The following FANCF variants were observed in gnomAD, a reference collection of about 807,000 sequenced individuals.
FANCF encodes the protein FA complementation group F, also known as Fanconi anemia group F protein.
For missense variants in FANCF, 552 were observed against 481.8 expected, an observed-to-expected ratio of 1.15 and a Z score of -1.36; for synonymous variants, 257 against 205.9, an observed-to-expected ratio of 1.25 and a Z score of -2.13.
rs1016588203 is a variant in FANCF at position 22,624,599 on chromosome 11, C to G, written c.*87G>C. On this transcript the variant is annotated 3_prime_UTR_variant, in exon 1 of 1. Coordinates refer to ENST00000327470, the MANE Select transcript of FANCF (RefSeq NM_022725.4). ...GCATCTAAAATAATTATACTTTGGA[C>G]ACACGAAGGCATATATTTGGTGAGA... 3 of 1,134,760 alleles carry G rather than the reference C, an allele frequency of 2.6e-6. No individual in the cohort carries two copies. The African/African-American group carries it at 4.7e-5, about 18-fold the overall frequency. The allele number at this position is 1,134,760 out of a possible 1,614,324, so 70.3% of individuals were successfully genotyped here. A position where few individuals can be genotyped will look rare whatever the true frequency, so the allele number is the denominator to read the frequency against.
At position 22,624,885 on chromosome 11, in the gene FANCF, T is replaced by C; in HGVS notation, c.926A>G (p.Asn309Ser). The C allele has an allele frequency of 6.2e-7, 1 of 1,614,180 alleles. No homozygotes were observed. Among genetic ancestry groups the C allele is most frequent in the African/African-American group, 1.3e-5 (1 of 75,046 alleles). The change falls in exon 1 of 1, where the codon AAT (asparagine) becomes AGT (serine). Residue 309 changes from asparagine (N) to serine (S), a missense_variant. Asn to Ser is a conservative substitution (Grantham distance 46). Coordinates refer to ENST00000327470, the MANE Select transcript of FANCF (RefSeq NM_022725.4). ...SQDVPWEELH[N>S]RFQSLCQAPP... Reference sequence around the variant, plus strand: ...GGCCTGACAGAGGCTTTGAAACCTATTGTGCAACTCCTCCCAGGGCACATC... The same window carrying C: ...GGCCTGACAGAGGCTTTGAAACCTACTGTGCAACTCCTCCCAGGGCACATC...
In FANCF at chr11:22,622,735, C is replaced by G. The variant is rs1858576645; in HGVS notation, c.*1951G>C. On this transcript the variant is annotated 3_prime_UTR_variant, in exon 1 of 1. Transcript: ENST00000327470. ...CACTTTCATGTTGCTTTTGTTTATA[C>G]CCTTGGGCATTTTACTTAATCTTTT... 2 of 192,494 alleles carry G rather than the reference C, an allele frequency of 1.0e-5. No individual in the cohort carries two copies. Among genetic ancestry groups the G allele is most frequent in the Non-Finnish European group, 2.2e-5 (2 of 92,310 alleles). 11.9% of individuals were successfully genotyped at this position (192,494 alleles called of 1,614,324 possible). A position where few individuals can be genotyped will look rare whatever the true frequency, so the allele number is the denominator to read the frequency against.
In FANCF at chr11:22,624,332, A is replaced by G; in HGVS notation, c.*354T>C. On this transcript the variant is annotated 3_prime_UTR_variant, in exon 1 of 1. Transcript: ENST00000327470. ...TGAGGGAGGGACAGAAAACCTAGAAAAATAAACCATACTAAAAGAAAAAGG... is the reference window on the plus strand; with the variant it reads ...TGAGGGAGGGACAGAAAACCTAGAAGAATAAACCATACTAAAAGAAAAAGG... The G allele has an allele frequency of 2.9e-6, 1 of 343,356 alleles. No individual in the cohort carries two copies. Among genetic ancestry groups the G allele is most frequent in the Non-Finnish European group, 5.4e-6 (1 of 183,548 alleles). The allele number at this position is 343,356 out of a possible 1,614,324, so 21.3% of individuals were successfully genotyped here. A position where few individuals can be genotyped will look rare whatever the true frequency, so the allele number is the denominator to read the frequency against.
rs1321912085 is a variant in FANCF at position 22,625,042 on chromosome 11, C to A, written c.769G>T (p.Ala257Ser). Residue 257 changes from alanine to serine, a missense_variant, in exon 1 of 1, where the codon GCC (alanine) becomes TCC (serine). By Grantham distance (99) the Ala-to-Ser change is moderately conservative. Coordinates refer to ENST00000327470, the MANE Select transcript of FANCF (RefSeq NM_022725.4). ...CTAGTCACTAAAGTCAAAAGCCCGG[C>A]TGGGAGGGCGCGACAAAAGGCAGCA... ...VFAAFCRALP[A>S]GLLTLVTSRH... 1 of 1,614,186 alleles carries A rather than the reference C, an allele frequency of 6.2e-7. No individual in the cohort carries two copies.
At position 22,624,827 on chromosome 11, in the gene FANCF, G is replaced by A. The variant is rs1858616188; in HGVS notation, c.984C>T (p.Ala328=). 6.2e-7 allele frequency: 1 copy of A among 1,614,024 alleles called. No homozygotes were observed. The highest frequency in any genetic ancestry group is 1.7e-5 in the Admixed American group (1 of 59,994). ...PPPLKDKVLT[A]LETCKAQDGD... is the part of the protein sequence containing the mutation. ...CATCCTGCGCTTTACAGGTCTCCAGGGCAGTTAGAACTTTATCTTTCAGAG... is the reference window on the plus strand; with the variant it reads ...CATCCTGCGCTTTACAGGTCTCCAGAGCAGTTAGAACTTTATCTTTCAGAG... The change falls in exon 1 of 1, where the codon GCC becomes GCT. Residue 328 remains alanine, a synonymous_variant. Coordinates refer to ENST00000327470, the MANE Select transcript of FANCF (RefSeq NM_022725.4).
At position 22,625,623 on chromosome 11, in the gene FANCF, T is replaced by A. The variant is rs778152023; in HGVS notation, c.188A>T (p.His63Leu). 6.2e-7 allele frequency: 1 copy of A among 1,613,534 alleles called. No individual in the cohort carries two copies. Among genetic ancestry groups the A allele is most frequent in the Admixed American group, 1.7e-5 (1 of 60,010 alleles). Residue 63 changes from histidine to leucine, a missense_variant, in exon 1 of 1, where the codon CAC becomes CTC. Physicochemically the swap from His to Leu is moderately conservative, Grantham distance 99. Transcript: ENST00000327470. ...GCCGCCCTCTTGCCTCCACTGGTTG[T>A]GCAGCCGCCGCTCCAGAGCCGTGCG... ...PIRTALERRL[H>L]NQWRQEGGFG...
rs762741561 is a variant in FANCF, at chr11:22,625,609, G to T, written c.202C>A (p.Gln68Lys). Residue 68 changes from glutamine (Q) to lysine (K), a missense_variant, in exon 1 of 1, where the codon CAA (glutamine) becomes AAA (lysine). Transcript: ENST00000327470. ...GGACCCCGCCCAAAGCCGCCCTCTT[G>T]CCTCCACTGGTTGTGCAGCCGCCGC... Reference protein sequence around the residue: ...LERRLHNQWRQEGGFGRGPVP... With the variant: ...LERRLHNQWRKEGGFGRGPVP... 1.2e-6 allele frequency: 2 copies of T among 1,613,726 alleles called. No homozygotes were observed. The highest frequency in any genetic ancestry group is 1.7e-6 in the Non-Finnish European group (2 of 1,179,962).
rs1016722586 is a variant in FANCF at position 22,624,357 on chromosome 11, G to C, written c.*329C>G. 2.5e-5 allele frequency: 9 copies of C among 357,456 alleles called. No homozygotes were observed. Among genetic ancestry groups the C allele is most frequent in the South Asian group, 7.9e-5 (2 of 25,176 alleles). The allele number at this position is 357,456 out of a possible 1,614,324, so 22.1% of individuals were successfully genotyped here. The stretch of plus-strand genomic sequence containing the variant: ...AAATAAACCATACTAAAAGAAAAAG[G>C]GTATTTTGTTTGTCACTTTAAAGCT... On this transcript the variant is annotated 3_prime_UTR_variant, in exon 1 of 1. Transcript: ENST00000327470.
In FANCF at chr11:22,625,671, C is replaced by A. The variant is rs1858636495; in HGVS notation, c.140G>T (p.Arg47Leu). 28 of 1,613,974 alleles carry A rather than the reference C, an allele frequency of 1.7e-5. No homozygotes were observed. Among genetic ancestry groups the A allele is most frequent in the Non-Finnish European group, 2.3e-5 (27 of 1,179,982 alleles). ...WARYLRHIHR[R>L]FGRHGPIRTA... ...GCGAATGGGGCCATGCCGACCAAAG[C>A]GCCGATGGATGTGGCGCAGGTAGCG... is the stretch of plus-strand genomic sequence containing the variant. Residue 47 changes from arginine (R) to leucine (L), a missense_variant, in exon 1 of 1, where the codon CGC becomes CTC. Transcript: ENST00000327470.
rs1323553365 is a variant in FANCF at position 22,625,803 on chromosome 11, G to C, written c.8C>G (p.Ser3Cys). The C allele has an allele frequency of 6.2e-7, 1 of 1,614,074 alleles. No individual in the cohort carries two copies. The highest frequency in any genetic ancestry group is 2.2e-5 in the East Asian group (1 of 44,870). The change falls in exon 1 of 1, where the codon TCC becomes TGC. Residue 3 changes from serine to cysteine, a missense_variant. By Grantham distance (112) the Ser-to-Cys change is moderately radical. Transcript: ENST00000327470. ME[S>C]LLQHLDRFSE... ...AAAGCGATCCAGGTGCTGCAGAAGG[G>C]ATTCCATGAGGTGCGCGAAGGCCCT... is the stretch of plus-strand genomic sequence containing the variant.
rs1156557968 is a variant in FANCF at position 22,622,993 on chromosome 11, A to G, written c.*1693T>C. 1 of 203,844 alleles carries G rather than the reference A, an allele frequency of 4.9e-6. No individual in the cohort carries two copies. Among genetic ancestry groups the G allele is most frequent in the Non-Finnish European group, 1.0e-5 (1 of 99,508 alleles). The allele number at this position is 203,844 out of a possible 1,614,324, so 12.6% of individuals were successfully genotyped here. A position where few individuals can be genotyped will look rare whatever the true frequency, so the allele number is the denominator to read the frequency against. On this transcript the variant is annotated 3_prime_UTR_variant, in exon 1 of 1. Coordinates refer to ENST00000327470, the MANE Select transcript of FANCF (RefSeq NM_022725.4). The stretch of plus-strand genomic sequence containing the variant: ...CACAAACTGTTATTTTCTAAAGCTA[A>G]AGCTAACATTAGGCCTTGCTATGGT...
At position 22,624,707 on chromosome 11, in the gene FANCF, G is replaced by A. The variant is rs761621055; in HGVS notation, c.1104C>T (p.Ser368=). ...TTGCCTATACAGAACTGAGGCCTGC[G>A]CTGAGACCCAAAACTTGTCTTTTCC... ...AFRKRQVLGL[S]AGLSSV The change falls in exon 1 of 1, where the codon AGC becomes AGT. Residue 368 remains serine (S), a synonymous_variant. Transcript: ENST00000327470. The A allele has an allele frequency of 7.4e-6, 12 of 1,614,050 alleles. No individual in the cohort carries two copies. The highest frequency in any genetic ancestry group is 2.2e-5 in the South Asian group (2 of 91,068).
Position 22,625,459 on chromosome 11 carries a change from C to T in FANCF, c.352G>A (p.Gly118Ser). Residue 118 changes from glycine to serine, a missense_variant, in exon 1 of 1, where the codon GGC becomes AGC. Coordinates refer to ENST00000327470, the MANE Select transcript of FANCF (RefSeq NM_022725.4). ...RYHLVQQLFP[G>S]PGVRDADEET... ...TCATCGGCGTCCCGGACGCCCGGGC[C>T]GGGAAAGAGTTGCTGCACCAGGTGG... The T allele has an allele frequency of 6.2e-7, 1 of 1,614,160 alleles. No individual in the cohort carries two copies. The highest frequency in any genetic ancestry group is 1.3e-5 in the African/African-American group (1 of 75,072).
In FANCF at chr11:22,625,685, G is replaced by A. The variant is rs764431374; in HGVS notation, c.126C>T (p.Arg42=). The change falls in exon 1 of 1, where the codon CGC becomes CGT. Residue 42 remains arginine (R), a synonymous_variant. Transcript: ENST00000327470. ...RRALQWARYL[R]HIHRRFGRHG... is the part of the protein sequence containing the mutation. ...GCCGACCAAAGCGCCGATGGATGTG[G>A]CGCAGGTAGCGCGCCCACTGCAAGG... The A allele has an allele frequency of 3.1e-6, 5 of 1,613,914 alleles. No individual in the cohort carries two copies. Among genetic ancestry groups the A allele is most frequent in the Non-Finnish European group, 4.2e-6 (5 of 1,180,008 alleles).
At position 22,625,026 on chromosome 11, in the gene FANCF, A is replaced by G. The variant is rs368067979; in HGVS notation, c.785T>C (p.Leu262Ser). Reference protein sequence around the residue: ...CRALPAGLLTLVTSRHPALSP... With the variant: ...CRALPAGLLTSVTSRHPALSP... ...CAGCGCTGGGTGGCGGCTAGTCACT[A>G]AAGTCAAAAGCCCGGCTGGGAGGGC... Residue 262 changes from leucine (L) to serine (S), a missense_variant, in exon 1 of 1, where the codon TTA becomes TCA. Transcript: ENST00000327470. 8.7e-6 allele frequency: 14 copies of G among 1,614,084 alleles called. No individual in the cohort carries two copies. The highest frequency in any genetic ancestry group is 5.3e-5 in the African/African-American group (4 of 74,922).
chr11:22,625,658 A>T lies in FANCF; in HGVS notation c.153T>A (p.His51Gln), dbSNP rs142247452. ...GCTCCAGAGCCGTGCGAATGGGGCCATGCCGACCAAAGCGCCGATGGATGT... is the reference window on the plus strand; with the variant it reads ...GCTCCAGAGCCGTGCGAATGGGGCCTTGCCGACCAAAGCGCCGATGGATGT... ...LRHIHRRFGR[H>Q]GPIRTALERR... The change falls in exon 1 of 1, where the codon CAT becomes CAA. Residue 51 changes from histidine (H) to glutamine (Q), a missense_variant. Transcript: ENST00000327470. 4.2e-5 allele frequency: 67 copies of T among 1,613,968 alleles called. No individual in the cohort carries two copies. The African/African-American group carries it at 7.3e-4, about 18-fold the overall frequency.
chr11:22,623,735 C>T lies in FANCF; in HGVS notation c.*951G>A. Reference sequence around the variant, plus strand: ...TTTGGCCAGGCGCGGTGGCTCACGCCTGTAATCCCAGCACTTTGGGAGGCC... The same window carrying T: ...TTTGGCCAGGCGCGGTGGCTCACGCTTGTAATCCCAGCACTTTGGGAGGCC... On this transcript the variant is annotated 3_prime_UTR_variant, in exon 1 of 1. Transcript: ENST00000327470. The T allele has an allele frequency of 5.5e-6, 1 of 182,160 alleles. No homozygotes were observed. The highest frequency in any genetic ancestry group is 1.2e-5 in the Non-Finnish European group (1 of 85,380). 11.3% of individuals were successfully genotyped at this position (182,160 alleles called of 1,614,324 possible).
In FANCF at chr11:22,624,980, C is replaced by A; in HGVS notation, c.831G>T (p.Leu277=). The change falls in exon 1 of 1, where the codon CTG becomes CTT. Residue 277 remains leucine (L), a synonymous_variant. Transcript: ENST00000327470. ...GCAAACGTTGACCCCAGTCTGTTAG[C>A]AGACCCAGATAGACAGGAGACAGCG... is the stretch of plus-strand genomic sequence containing the variant. ...HPALSPVYLG[L]LTDWGQRLHY... is the part of the protein sequence containing the mutation. The A allele has an allele frequency of 1.9e-6, 3 of 1,614,192 alleles. No individual in the cohort carries two copies. The highest frequency in any genetic ancestry group is 2.5e-6 in the Non-Finnish European group (3 of 1,180,042).
At position 22,624,658 on chromosome 11, in the gene FANCF, C is replaced by T; in HGVS notation, c.*28G>A. 2 of 1,600,986 alleles carry T rather than the reference C, an allele frequency of 1.2e-6. No individual in the cohort carries two copies. Among genetic ancestry groups the T allele is most frequent in the African/African-American group, 1.3e-5 (1 of 74,742 alleles). On this transcript the variant is annotated 3_prime_UTR_variant, in exon 1 of 1. Coordinates refer to ENST00000327470, the MANE Select transcript of FANCF (RefSeq NM_022725.4). The stretch of plus-strand genomic sequence containing the variant: ...ATTTTCATTTTGTAAACTATATATT[C>T]TATATTCAAGTAATAACACAGCATT...
Sources: allele counts gnomAD v4.1 joint callset, GRCh38; gene constraint gnomAD v4.1.1; transcripts MANE v1.5; gene names NCBI Gene and HGNC (gene_info 2026-07-23, HGNC 2026-07-21).